Variants in BORCS8 observed in about 807,000 individuals in gnomAD.
BORCS8 encodes BLOC-1-related complex subunit 8.
A neutral mutation model predicts 18.7 loss-of-function variants in BORCS8; 13 were observed. The ratio of observed to expected loss-of-function variants is 0.70; its 90% CI spans 0.45 to 1.11. BORCS8 has a LOEUF of 1.11. Ranked by LOEUF, BORCS8 falls within the 50% of genes least tolerant of loss-of-function variation. The probability of loss-of-function intolerance (pLI) is 0.00; values close to 1 mark genes in which losing one functional copy is unlikely to be tolerated. For synonymous variants in BORCS8, 68 were observed against 64.8 expected (o/e 1.05, Z -0.24); for missense variants, 165 against 165.7 (o/e 1.00, Z 0.02).
chr19:19,180,444 G>A, intron 5 of BORCS8: 1 of 570,982 alleles, frequency 1.8e-6, no homozygotes, highest in Admixed American at 3.1e-5. Context: ...CTATGGCCTG[G>A]AAAAGAGAGA....
Position 19,180,894 on chromosome 19 carries a change from C to A in BORCS8, c.327-133G>T, listed in dbSNP as rs1004288140. ...TGGCTTGAGCTTCTGGGGCATCCTG[C>A]TTAAAAGTGGGATGAGTGGGCCAGG... is the stretch of plus-strand genomic sequence containing the variant. On this transcript the variant is annotated intron_variant, in intron 4 of 5. Coordinates refer to ENST00000462790, the MANE Select transcript of BORCS8 (RefSeq NM_001145784.2). The A allele has an allele frequency of 1.2e-5, 12 of 969,374 alleles. No individual in the cohort carries two copies. The African/African-American group carries it at 2.0e-4, about 16-fold the overall frequency. The allele number at this position is 969,374 out of a possible 1,614,324, so 60.0% of individuals were successfully genotyped here. A position where few individuals can be genotyped will look rare whatever the true frequency, so the allele number is the denominator to read the frequency against.
chr19:19,188,203 G>A (rs1308782559), intron 1 of BORCS8, among the ~76,000 whole-genome samples: 2 of 151,516 alleles, frequency 1.3e-5, no homozygotes, highest in Non-Finnish European at 2.9e-5. Flanking sequence ...CTAACTTTTT[G>A]TATTTTTTAG....
At chr19:19,191,975 C>T (rs1363260967) in intron 1 of BORCS8, 106 bp downstream of exon 1, 4 of 1,331,874 alleles carry the variant, frequency 3.0e-6, no homozygotes, top group East Asian at 2.5e-5. Flanking sequence ...GATTGGACGG[C>T]AGTTCAATCA....
chr19:19,186,607 T>A (rs1304215087), intron 2 of BORCS8, among the ~76,000 whole-genome samples: 1 of 152,254 alleles, frequency 6.6e-6, no homozygotes, highest in African/African-American at 2.4e-5. Flanking sequence ...AGGAAGTACA[T>A]GTTTGCTTCC....
At chr19:19,191,655 G>C (rs2060480685) in intron 1 of BORCS8, among the ~76,000 whole-genome samples, 1 of 151,980 alleles carries the variant, frequency 6.6e-6, no homozygotes. Flanking sequence ...GCCCACTGCA[G>C]TGCAGCCTTG....
chr19:19,181,650 G>A (rs1411183286), intron 4 of BORCS8, among the ~76,000 whole-genome samples: 3 of 152,218 alleles, frequency 2.0e-5, no homozygotes, highest in Admixed American at 2.0e-4. Flanking sequence ...CTCCTCTTCA[G>A]ATGCAAGAGA....
intron 1 of BORCS8, among the ~76,000 whole-genome samples, chr19:19,187,899 T>C (rs957566949): frequency 6.6e-6 from 1 of 151,676 alleles, no homozygotes; most frequent in African/African-American, 2.4e-5. Context: ...TGGAGTGCAG[T>C]GGTGTGATCA....
At chr19:19,186,356 A>G (rs1015421384) in intron 2 of BORCS8, among the ~76,000 whole-genome samples, 3 of 152,204 alleles carry the variant, frequency 2.0e-5, no homozygotes, top group African/African-American at 7.2e-5. Flanking sequence ...CTTGCCATGC[A>G]GGTCATAACT....
rs2060407802 is a variant in BORCS8 at position 19,186,215 on chromosome 19, C to G, written c.151-117G>C. 3 of 924,920 alleles carry G rather than the reference C, an allele frequency of 3.2e-6. No homozygotes were observed. In the East Asian group the frequency reaches 7.9e-5, roughly 24 times the overall value. The allele number at this position is 924,920 out of a possible 1,614,324, so 57.3% of individuals were successfully genotyped here. On this transcript the variant is annotated intron_variant, in intron 2 of 5. Transcript: ENST00000462790. ...CCTCATGGTGGAAGCAGAGACCTTT[C>G]CTCCTGCAACTCCCTTCCCTCACAG...
intron 3 of BORCS8, among the ~76,000 whole-genome samples, chr19:19,183,928 G>A (rs1220350534): frequency 1.4e-5 from 2 of 142,098 alleles, no homozygotes; most frequent in Non-Finnish European, 3.0e-5. Context: ...GTCTCACTTT[G>A]TTGCCCAGAC....
rs1014240506 is a variant in BORCS8, at chr19:19,180,708, G to GC, written c.*19dup. 2.4e-5 allele frequency: 37 copies of GC among 1,549,392 alleles called. No individual in the cohort carries two copies. The highest frequency in any genetic ancestry group is 1.5e-4 in the African/African-American group (11 of 73,136). On this transcript the variant is annotated 3_prime_UTR_variant, in exon 5 of 6. Coordinates refer to ENST00000462790, the MANE Select transcript of BORCS8 (RefSeq NM_001145784.2). ...GACCTGGGTTGGCGGAGGCTGGGGG[G>GC]CCCCGAGTCTCTTCCAGGATCAGGC... is the stretch of plus-strand genomic sequence containing the variant.
chr19:19,189,375 A>C (rs748434345), intron 1 of BORCS8, among the ~76,000 whole-genome samples: 28 of 152,154 alleles, frequency 1.8e-4, no homozygotes, highest in Non-Finnish European at 3.2e-4. Flanking sequence ...TGCTGCCAAC[A>C]GTTCAACCTC....
intron 1 of BORCS8, among the ~76,000 whole-genome samples, 183 bp from the exon 2 acceptor site, chr19:19,187,188 TTAA>T (rs1369322114): frequency 3.3e-5 from 5 of 152,140 alleles, no homozygotes; most frequent in Admixed American, 1.3e-4. Context: ...CAAGAGGACA[TTAA>T]TGAGACCGGG....
chr19:19,192,011 C>T, intron 1 of BORCS8, 70 bp downstream of exon 1: 1 of 1,535,114 alleles, frequency 6.5e-7, no homozygotes, highest in Non-Finnish European at 8.8e-7. Context: ...TCCCTCCGCG[C>T]CCGGCCTTTG....
At chr19:19,189,439 G>C (rs2060444836) in intron 1 of BORCS8, among the ~76,000 whole-genome samples, 1 of 152,090 alleles carries the variant, frequency 6.6e-6, no homozygotes, top group African/African-American at 2.4e-5. Flanking sequence ...TCCCACCCTT[G>C]CTTTAAACTC....
chr19:19,187,828 C>T (rs906496841), intron 1 of BORCS8, among the ~76,000 whole-genome samples: 19 of 150,562 alleles, frequency 1.3e-4, no homozygotes, highest in African/African-American at 4.4e-4. Flanking sequence ...TGAGCCACCG[C>T]GCCTGGCCAG....
chr19:19,188,551 C>T (rs1255568746), intron 1 of BORCS8, among the ~76,000 whole-genome samples: 1 of 152,162 alleles, frequency 6.6e-6, no homozygotes, highest in East Asian at 1.9e-4. Flanking sequence ...GCCCCCGTGA[C>T]CACACTCGGG....
intron 1 of BORCS8, 77 bp downstream of exon 1, chr19:19,192,004 C>T: frequency 6.5e-7 from 1 of 1,532,136 alleles, no homozygotes; most frequent in Non-Finnish European, 8.8e-7. Context: ...CGCACGGTCC[C>T]TCCGCGCCCG....
In BORCS8 at chr19:19,187,021, A is replaced by G. The variant is rs749302724; in HGVS notation, c.38-16T>C. Reference sequence around the variant, plus strand: ...TTGTCCGTGACTAGATACAGGTGGTAGGGATGGGGCGGGTGTGGGGAGACA... The same window carrying G: ...TTGTCCGTGACTAGATACAGGTGGTGGGGATGGGGCGGGTGTGGGGAGACA... On this transcript the variant is annotated splice_polypyrimidine_tract_variant and intron_variant, in intron 1 of 5. Coordinates refer to ENST00000462790, the MANE Select transcript of BORCS8 (RefSeq NM_001145784.2). The G allele has an allele frequency of 6.5e-7, 1 of 1,541,554 alleles. No individual in the cohort carries two copies. The highest frequency in any genetic ancestry group is 1.2e-5 in the South Asian group (1 of 83,660).
Sources: gnomAD v4.1 joint callset for allele counts (sites outside exome capture counted in the v4.1 genomes callset) on GRCh38, gnomAD v4.1.1 for gene constraint, MANE v1.5 for transcripts, NCBI Gene and HGNC (gene_info 2026-07-23, HGNC 2026-07-21) for gene names.